OPRD1: variants seen among roughly 807,000 people sequenced by gnomAD.
OPRD1 encodes the protein delta-type opioid receptor.
In OPRD1, 19 loss-of-function variants were observed where a neutral mutation model predicts 17.5. That is an observed-to-expected ratio of 1.09 (90% CI 0.76 to 1.60). The LOEUF (loss-of-function observed/expected upper bound fraction) is 1.60, where lower values mean the gene tolerates loss of function less well. OPRD1 is among the 40% of genes most tolerant of loss of function. The pLI is 0.00. For synonymous variants in OPRD1, 256 were observed against 240.9 expected (o/e 1.06, Z -0.58); for missense variants, 483 against 547.2 (o/e 0.88, Z 1.17).
chr1:28,825,708 C>A (rs1390668510), intron 1 of OPRD1, among the ~76,000 whole-genome samples: 3 of 152,190 alleles, frequency 2.0e-5, no homozygotes, highest in Non-Finnish European at 2.9e-5. Flanking sequence ...TTACACAGGG[C>A]AGCCTGGCCT....
chr1:28,826,844 T>TA (rs2088772581), intron 1 of OPRD1, among the ~76,000 whole-genome samples: 1 of 152,246 alleles, frequency 6.6e-6, no homozygotes, highest in African/African-American at 2.4e-5. Context: ...TGCTGTTTGA[T>TA]AGCATCTTAC....
At chr1:28,832,607 ACT>A (rs1261583200) in intron 1 of OPRD1, among the ~76,000 whole-genome samples, 2 of 126,210 alleles carry the variant, frequency 1.6e-5, no homozygotes, top group Non-Finnish European at 3.5e-5. Flanking sequence ...GTAGAGTGAG[ACT>A]CTGTCTCAAA....
chr1:28,842,018 C>T (rs768815301), intron 1 of OPRD1, among the ~76,000 whole-genome samples: 8 of 151,124 alleles, frequency 5.3e-5, no homozygotes, highest in Non-Finnish European at 8.8e-5. Context: ...GTCATTGTGC[C>T]GGCCTTATTT....
At chr1:28,839,223 T>G (rs1258125207) in intron 1 of OPRD1, among the ~76,000 whole-genome samples, 1 of 152,180 alleles carries the variant, frequency 6.6e-6, no homozygotes, top group Admixed American at 6.5e-5. Context: ...TTTCCTTGCT[T>G]CTTCCCGTTT....
chr1:28,850,220 C>G (rs1269329120), intron 1 of OPRD1, among the ~76,000 whole-genome samples: 1 of 152,032 alleles, frequency 6.6e-6, no homozygotes, highest in Non-Finnish European at 1.5e-5. Context: ...CAGGCATGAT[C>G]TCTTGTGCCT....
At chr1:28,814,188 C>T (rs1023185087) in intron 1 of OPRD1, among the ~76,000 whole-genome samples, 3 of 152,098 alleles carry the variant, frequency 2.0e-5, no homozygotes, top group African/African-American at 7.2e-5. Flanking sequence ...TCGCAGGCTT[C>T]GAGGCAGGCC....
intron 1 of OPRD1, among the ~76,000 whole-genome samples, chr1:28,823,383 G>GTTTATTTA (rs143622810): frequency 0.11 from 15,159 of 139,294 alleles, 1,105 homozygotes; most frequent in African/African-American, 0.22. Flanking sequence ...AATTTTATTT[G>GTTTATTTA]TTTGTTTATT....
intron 1 of OPRD1, among the ~76,000 whole-genome samples, chr1:28,831,754 T>C (rs1447214296): frequency 6.6e-6 from 1 of 151,988 alleles, no homozygotes; most frequent in African/African-American, 2.4e-5. Flanking sequence ...CCCAGGCTGG[T>C]CTTGAACTCC....
intron 1 of OPRD1, among the ~76,000 whole-genome samples, chr1:28,816,914 C>T (rs2088675568): frequency 6.6e-6 from 1 of 152,094 alleles, no homozygotes; most frequent in Admixed American, 6.5e-5. Flanking sequence ...CCCGCCTGGC[C>T]CAGATCCTGG....
chr1:28,817,718 T>G (rs204049), intron 1 of OPRD1, among the ~76,000 whole-genome samples: 11,958 of 152,162 alleles, frequency 0.079, 649 homozygotes, highest in African/African-American at 0.15. Context: ...ACTTCCCTTT[T>G]TTTTTGGATG....
In OPRD1 at chr1:28,870,952, T is replaced by C. The variant is rs2089212597; in HGVS notation, c.*7669T>C. On this transcript the variant is annotated 3_prime_UTR_variant, in exon 3 of 3. Coordinates refer to ENST00000234961, the MANE Select transcript of OPRD1 (RefSeq NM_000911.4). The stretch of plus-strand genomic sequence containing the variant: ...TGTCCCTCTCTGGGCCTCTGCACGA[T>C]GGAGGGGTAGGAGTTGATGGTTCTG... 6.6e-6 allele frequency: 1 copy of C among 152,220 alleles called. No individual in the cohort carries two copies. The highest frequency in any genetic ancestry group is 6.5e-5 in the Admixed American group (1 of 15,274). The allele number at this position is 152,220 out of a possible 1,614,324, so 9.4% of individuals were successfully genotyped here.
intron 2 of OPRD1, among the ~76,000 whole-genome samples, chr1:28,861,564 C>A (rs2089121379): frequency 6.6e-6 from 1 of 152,108 alleles, no homozygotes; most frequent in Non-Finnish European, 1.5e-5. Context: ...CCCACCTCAG[C>A]CCCCCAAGTA....
intron 1 of OPRD1, among the ~76,000 whole-genome samples, chr1:28,837,273 G>A (rs921339939): frequency 2.6e-5 from 4 of 152,206 alleles, no homozygotes; most frequent in African/African-American, 9.6e-5. Context: ...GTGGTAATGC[G>A]AGCAATGGGG....
rs924925774 is a variant in OPRD1, at chr1:28,868,932, G to A, written c.*5649G>A. The A allele has an allele frequency of 6.6e-6, 1 of 152,122 alleles. No homozygotes were observed. Among genetic ancestry groups the A allele is most frequent in the African/African-American group, 2.4e-5 (1 of 41,412 alleles). The allele number at this position is 152,122 out of a possible 1,614,324, so 9.4% of individuals were successfully genotyped here. On this transcript the variant is annotated 3_prime_UTR_variant, in exon 3 of 3. Transcript: ENST00000234961. ...CTTGGAAGAACAACAGTCCAGGCTGGGCACCTGCTGGGTCTCTGTCCAAAG... is the reference window on the plus strand; with the variant it reads ...CTTGGAAGAACAACAGTCCAGGCTGAGCACCTGCTGGGTCTCTGTCCAAAG...
In OPRD1 at chr1:28,869,159, C is replaced by T. The variant is rs998899350; in HGVS notation, c.*5876C>T. 6.6e-6 allele frequency: 1 copy of T among 152,332 alleles called. No individual in the cohort carries two copies. Among genetic ancestry groups the T allele is most frequent in the Non-Finnish European group, 1.5e-5 (1 of 68,136 alleles). 9.4% of individuals were successfully genotyped at this position (152,332 alleles called of 1,614,324 possible). On this transcript the variant is annotated 3_prime_UTR_variant, in exon 3 of 3. Coordinates refer to ENST00000234961, the MANE Select transcript of OPRD1 (RefSeq NM_000911.4). ...ACACAAAACACATACAGATGCCTCT[C>T]TTTCATCATGTATTTATTCCTTTAT...
intron 1 of OPRD1, among the ~76,000 whole-genome samples, chr1:28,842,743 T>C (rs1160972484): frequency 1.3e-5 from 2 of 152,012 alleles, no homozygotes; most frequent in Non-Finnish European, 2.9e-5. Flanking sequence ...TACCCCCTGA[T>C]TGGATCCAAA....
intron 1 of OPRD1, among the ~76,000 whole-genome samples, chr1:28,821,994 C>T (rs1317298649): frequency 6.6e-6 from 1 of 151,672 alleles, no homozygotes; most frequent in African/African-American, 2.4e-5. Flanking sequence ...TCTTGTTGCC[C>T]AGGCTGGAGT....
In OPRD1 at chr1:28,863,279, C is replaced by G; in HGVS notation, c.1115C>G (p.Ala372Gly). ...GATGGTCCCGGCGGTGGCGCTGCCGCCTGACCAGGCCATCCGGCCCCCAGA... is the reference window on the plus strand; with the variant it reads ...GATGGTCCCGGCGGTGGCGCTGCCGGCTGACCAGGCCATCCGGCCCCCAGA... ...PSDGPGGGAA[A>G] Residue 372 changes from alanine to glycine, a missense_variant, in exon 3 of 3, where the codon GCC becomes GGC. Physicochemically the swap from Ala to Gly is moderately conservative, Grantham distance 60. Transcript: ENST00000234961. 7.0e-7 allele frequency: 1 copy of G among 1,433,364 alleles called. No individual in the cohort carries two copies. Among genetic ancestry groups the G allele is most frequent in the Non-Finnish European group, 9.1e-7 (1 of 1,104,802 alleles). The allele number at this position is 1,433,364 out of a possible 1,614,324, so 88.8% of individuals were successfully genotyped here.
At chr1:28,832,005 C>T (rs2088811664) in intron 1 of OPRD1, among the ~76,000 whole-genome samples, 1 of 152,194 alleles carries the variant, frequency 6.6e-6, no homozygotes, top group South Asian at 2.1e-4. Context: ...ATTCACTTGC[C>T]CAGGGCCACA....
Sources: gnomAD v4.1 joint callset for allele counts (sites outside exome capture counted in the v4.1 genomes callset) on GRCh38, gnomAD v4.1.1 for gene constraint, MANE v1.5 for transcripts, NCBI Gene and HGNC (gene_info 2026-07-23, HGNC 2026-07-21) for gene names.